The following LINGO2 variants were observed in gnomAD, a reference collection of about 807,000 sequenced individuals.
The protein encoded by LINGO2 is leucine rich repeat and Ig domain containing 2.
In LINGO2, 14 loss-of-function variants were observed where a neutral mutation model predicts 30.6. That is an observed-to-expected ratio of 0.46 (90% CI 0.30 to 0.72). The LOEUF (loss-of-function observed/expected upper bound fraction) is 0.72, where lower values mean the gene tolerates loss of function less well. LINGO2 is among the 30% of genes least tolerant of loss of function. LINGO2 has a pLI of 0.07. For missense variants in LINGO2, 729 were observed against 751.7 expected (o/e 0.97, Z 0.35); for synonymous variants, 317 against 288.5 (o/e 1.10, Z -1.00).
At chr9:28,266,069 T>C (rs147428356) in intron 4 of LINGO2, among the ~76,000 whole-genome samples, 114 of 152,128 alleles carry the variant, frequency 7.5e-4, no homozygotes, top group African/African-American at 1.9e-3. Context: ...GGATGTTATC[T>C]AAAAACATTT....
At chr9:29,118,944 T>A in the LINGO2 span, among the ~76,000 whole-genome samples, 1 of 152,182 alleles carries the variant, frequency 6.6e-6, no homozygotes, top group African/African-American at 2.4e-5. Flanking sequence ...AAAGAAGTTC[T>A]ATTACCTGAC....
At chr9:28,576,378 A>G (rs1823992015) in intron 1 of LINGO2, among the ~76,000 whole-genome samples, 1 of 152,172 alleles carries the variant, frequency 6.6e-6, no homozygotes, top group Non-Finnish European at 1.5e-5. Context: ...AAAAATCACA[A>G]ATAGAACCTT....
At chr9:28,855,478 A>G in the LINGO2 span, among the ~76,000 whole-genome samples, 2 of 152,026 alleles carry the variant, frequency 1.3e-5, no homozygotes, top group African/African-American at 2.4e-5. Flanking sequence ...CCCCACATTT[A>G]CCCTTAAGCT....
At chr9:27,998,044 C>A (rs527588696) in intron 5 of LINGO2, among the ~76,000 whole-genome samples, 1 of 152,256 alleles carries the variant, frequency 6.6e-6, no homozygotes, top group African/African-American at 2.4e-5. Context: ...GAGCTTGATA[C>A]CCACTGAGGT....
chr9:28,820,997 T>C, the LINGO2 span, among the ~76,000 whole-genome samples: 1 of 152,252 alleles, frequency 6.6e-6, no homozygotes, highest in Non-Finnish European at 1.5e-5. Context: ...GGATTAACAA[T>C]GCACAGCTTC....
At position 28,182,641 on chromosome 9, in the gene LINGO2, G is replaced by A. The variant is rs144847319; in HGVS notation, c.-87+112567C>T. On this transcript the variant is annotated intron_variant, in intron 4 of 5. Coordinates refer to ENST00000379992, the Ensembl canonical transcript of LINGO2. Reference sequence around the variant, plus strand: ...AAGAAAAAAACCCTAACCAAAAGTGGGCAAAGGATATGAACAGACACTTCT... The same window carrying A: ...AAGAAAAAAACCCTAACCAAAAGTGAGCAAAGGATATGAACAGACACTTCT... 6.3e-3 allele frequency among the ~76,000 whole-genome samples: 952 copies of A among 152,060 alleles called. 12 individuals are homozygous for A. Among genetic ancestry groups the A allele is most frequent in the African/African-American group, 0.021 (883 of 41,474 alleles).
intron 1 of LINGO2, among the ~76,000 whole-genome samples, chr9:28,654,982 A>G (rs572737829): frequency 6.6e-6 from 1 of 152,096 alleles, no homozygotes; most frequent in Non-Finnish European, 1.5e-5. Context: ...GATGGAATTT[A>G]CTGAGCTACT....
chr9:29,182,380 G>T, the LINGO2 span, among the ~76,000 whole-genome samples: 4 of 152,112 alleles, frequency 2.6e-5, 1 homozygote, highest in East Asian at 7.7e-4. Flanking sequence ...AGCAAGAGGT[G>T]CATATAAGAT....
At chr9:28,393,576 G>A (rs1371693083) in intron 2 of LINGO2, among the ~76,000 whole-genome samples, 1 of 152,164 alleles carries the variant, frequency 6.6e-6, no homozygotes, top group Non-Finnish European at 1.5e-5. Flanking sequence ...CACAAGGCAA[G>A]ACTAAACATT....
Position 28,308,113 on chromosome 9 carries a change from T to A in LINGO2, c.-245-12747A>T, listed in dbSNP as rs10968481. On this transcript the variant is annotated intron_variant, in intron 3 of 5. Transcript: ENST00000379992. ...TTCATATGGAACCAAAAAAGAGCCC[T>A]CATCGCCAAGTCAATCCTAAGCCAA... Among the ~76,000 whole-genome samples, 2,090 of 116,320 alleles carry A rather than the reference T, an allele frequency of 0.018. 167 individuals are homozygous for A. The East Asian group carries it at 0.21, about 12-fold the overall frequency. 76.3% of individuals were successfully genotyped at this position (116,320 alleles called of 152,430 possible). A position where few individuals can be genotyped will look rare whatever the true frequency, so the allele number is the denominator to read the frequency against.
chr9:28,383,936 G>A lies in LINGO2; in HGVS notation c.-278-11068C>T, dbSNP rs930209731. On this transcript the variant is annotated intron_variant, in intron 2 of 5. Transcript: ENST00000379992. ...AAGAATCTGGGGTAGAGAAACCTAT[G>A]ATCTTATGCTAATACAGAAAATAAA... Among the ~76,000 whole-genome samples, 3 of 151,950 alleles carry A rather than the reference G, an allele frequency of 2.0e-5. No individual in the cohort carries two copies. In the South Asian group the frequency reaches 6.2e-4, roughly 32 times the overall value.
At chr9:28,700,051 C>T in the LINGO2 span, among the ~76,000 whole-genome samples, 183 of 152,136 alleles carry the variant, frequency 1.2e-3, 1 homozygote, top group African/African-American at 4.3e-3. Context: ...CCCTTTGAAG[C>T]ATGTGATCTT....
At chr9:27,951,376 G>A (rs758197592) in intron 5 of LINGO2, among the ~76,000 whole-genome samples, 23 of 152,140 alleles carry the variant, frequency 1.5e-4, no homozygotes, top group Non-Finnish European at 3.2e-4. Flanking sequence ...AAGTATCCCT[G>A]TATTGTTTTT....
chr9:28,044,121 CTA>C (rs1824311627), intron 4 of LINGO2, among the ~76,000 whole-genome samples: 1 of 152,134 alleles, frequency 6.6e-6, no homozygotes, highest in African/African-American at 2.4e-5. Context: ...ATCAACTACA[CTA>C]TGTGTGTTTG....
chr9:28,798,224 T>C, the LINGO2 span, among the ~76,000 whole-genome samples: 1 of 152,082 alleles, frequency 6.6e-6, no homozygotes, highest in African/African-American at 2.4e-5. Context: ...CAATTTTCTT[T>C]TTAATGGTAG....
the LINGO2 span, among the ~76,000 whole-genome samples, chr9:29,059,286 G>C: frequency 6.6e-6 from 1 of 150,698 alleles, no homozygotes; most frequent in Admixed American, 6.6e-5. Flanking sequence ...AAATGTATAC[G>C]GAAATAAAAA....
In LINGO2 at chr9:27,956,803, T is replaced by C. The variant is rs149351308; in HGVS notation, c.-35-6097A>G. On this transcript the variant is annotated intron_variant, in intron 5 of 5. Coordinates refer to ENST00000379992, the Ensembl canonical transcript of LINGO2. ...GTAGTGTTATTTCTTAAAAAGACTT[T>C]CCTTTCTGGCCAGATATGGTGGCTC... 2.5e-3 allele frequency among the ~76,000 whole-genome samples: 374 copies of C among 152,292 alleles called. 2 individuals are homozygous for C. Among genetic ancestry groups the C allele is most frequent in the Non-Finnish European group, 4.0e-3 (271 of 68,026 alleles).
chr9:29,036,272 T>A, the LINGO2 span, among the ~76,000 whole-genome samples: 1 of 152,112 alleles, frequency 6.6e-6, no homozygotes, highest in Non-Finnish European at 1.5e-5. Flanking sequence ...AAAGTGATTA[T>A]AAGAAATGAA....
intron 5 of LINGO2, among the ~76,000 whole-genome samples, chr9:27,953,293 T>G (rs762895264): frequency 3.9e-5 from 6 of 152,186 alleles, no homozygotes; most frequent in Non-Finnish European, 7.4e-5. Context: ...TTTCTAGAAA[T>G]GTATCATTAG....
Sources: gnomAD v4.1 joint callset for allele counts (sites outside exome capture counted in the v4.1 genomes callset) on GRCh38, gnomAD v4.1.1 for gene constraint, MANE v1.5 for transcripts, NCBI Gene and HGNC (gene_info 2026-07-23, HGNC 2026-07-21) for gene names.